The following KCTD1 variants were observed in gnomAD, a reference collection of about 807,000 sequenced individuals.
The protein encoded by KCTD1 is BTB/POZ domain-containing protein KCTD1.
KCTD1 carries 24 observed loss-of-function variants against 66.0 expected under a neutral mutation model. The ratio of observed to expected loss-of-function variants is 0.36; its 90% confidence interval spans 0.26 to 0.51. The LOEUF (loss-of-function observed/expected upper bound fraction) is 0.51. Among genes scored for constraint, KCTD1 ranks in the 20% least tolerant of loss-of-function variants. The pLI is 0.95. For missense variants in KCTD1, 943 were observed against 1,205.2 expected, an observed-to-expected ratio of 0.78 and a Z score of 3.22; for synonymous variants, 511 against 517.2, an observed-to-expected ratio of 0.99 and a Z score of 0.16.
intron 1 of KCTD1, among the ~76,000 whole-genome samples, chr18:26,615,586 A>C (rs539294367): frequency 7.9e-5 from 12 of 152,320 alleles, no homozygotes; most frequent in African/African-American, 2.6e-4. Context: ...GGTCTCCTCC[A>C]GCCTCAGTAT....
At chr18:26,597,776 C>T (rs1986802190) in intron 1 of KCTD1, among the ~76,000 whole-genome samples, 1 of 151,944 alleles carries the variant, frequency 6.6e-6, no homozygotes, top group Non-Finnish European at 1.5e-5. Context: ...GCCTCAGCCT[C>T]CCAAGTAGCT....
At chr18:26,534,781 G>T (rs1384058499) in intron 1 of KCTD1, among the ~76,000 whole-genome samples, 1 of 152,104 alleles carries the variant, frequency 6.6e-6, no homozygotes, top group African/African-American at 2.4e-5. Context: ...AATTCTACCA[G>T]AACCCATAGA....
intron 1 of KCTD1, among the ~76,000 whole-genome samples, chr18:26,582,457 TAGC>T (rs1986377141): frequency 6.6e-6 from 1 of 152,200 alleles, no homozygotes; most frequent in Non-Finnish European, 1.5e-5. Flanking sequence ...AATTGTAAAT[TAGC>T]AGAACTTTGT....
chr18:26,459,922 A>G lies in KCTD1; in HGVS notation c.2137T>C (p.Tyr713His). Reference sequence around the variant, plus strand: ...TTTGCCTCTTCATATAACAAAGTGTAGTCCTGGAAAAAAAAAAGGTATTTC... The same window carrying G: ...TTTGCCTCTTCATATAACAAAGTGTGGTCCTGGAAAAAAAAAAGGTATTTC... Reference protein sequence around the residue: ...KLLIPDDFKDYTLLYEEAKYF... With the variant: ...KLLIPDDFKDHTLLYEEAKYF... Residue 713 changes from tyrosine (Y) to histidine (H), a missense_variant, in exon 4 of 5, where the codon TAC (tyrosine) becomes CAC (histidine). Tyr to His is a moderately conservative substitution (Grantham distance 83). Transcript: ENST00000580059. 6.4e-7 allele frequency: 1 copy of G among 1,568,840 alleles called. No individual in the cohort carries two copies. Among genetic ancestry groups the G allele is most frequent in the Non-Finnish European group, 8.6e-7 (1 of 1,157,748 alleles).
rs1188232215 is a variant in KCTD1, at chr18:26,513,727, A to AT, written c.1810-12478dup. 9.2e-5 allele frequency among the ~76,000 whole-genome samples: 14 copies of AT among 152,306 alleles called. No individual in the cohort carries two copies. The South Asian group carries it at 1.4e-3, about 16-fold the overall frequency. ...AGTTCTGAATTTTTACTAGTCTATG[A>AT]TTTTTAAAAAATATAAGCCATAGAG... On this transcript the variant is annotated intron_variant, in intron 1 of 4. Transcript: ENST00000580059.
At chr18:26,597,183 A>C (rs1344621108) in intron 1 of KCTD1, among the ~76,000 whole-genome samples, 2 of 152,032 alleles carry the variant, frequency 1.3e-5, no homozygotes, top group African/African-American at 2.4e-5. Flanking sequence ...CAAGTTGAGG[A>C]GGGTACCCCC....
chr18:26,595,252 C>A (rs1414886119), intron 1 of KCTD1, among the ~76,000 whole-genome samples: 1 of 152,210 alleles, frequency 6.6e-6, no homozygotes, highest in African/African-American at 2.4e-5. Context: ...CCATACATTT[C>A]TTATTTCCAA....
chr18:26,549,526 C>A (rs1985458571), upstream of KCTD1: 1 of 909,486 alleles, frequency 1.1e-6, no homozygotes, highest in Admixed American at 6.2e-5. Flanking sequence ...CCAGGGGCCA[C>A]AGGGACCCTT....
chr18:26,495,404 T>C (rs945302985), intron 2 of KCTD1, among the ~76,000 whole-genome samples: 1 of 152,178 alleles, frequency 6.6e-6, no homozygotes, highest in Non-Finnish European at 1.5e-5. Flanking sequence ...AATCCGGTAA[T>C]GGCTAACCCA....
chr18:26,635,799 C>T (rs535087636), intron 1 of KCTD1, among the ~76,000 whole-genome samples: 1 of 152,240 alleles, frequency 6.6e-6, no homozygotes, highest in East Asian at 1.9e-4. Flanking sequence ...CTGTGAAATG[C>T]CCCCAAATAG....
At chr18:26,589,796 G>T (rs1380872809) in intron 1 of KCTD1, among the ~76,000 whole-genome samples, 1 of 152,156 alleles carries the variant, frequency 6.6e-6, no homozygotes, top group East Asian at 1.9e-4. Context: ...AGCACACAAG[G>T]CAATTCTGGC....
At chr18:26,460,155 T>C (rs542165074) in intron 3 of KCTD1, among the ~76,000 whole-genome samples, 252 of 152,332 alleles carry the variant, frequency 1.7e-3, no homozygotes, top group African/African-American at 5.9e-3. Context: ...TCAGGCCTCT[T>C]CTAAGTGCTT....
At chr18:26,460,792 A>T (rs1326933098) in intron 3 of KCTD1, 1 of 152,232 alleles carries the variant, frequency 6.6e-6, no homozygotes, top group Non-Finnish European at 1.5e-5. Flanking sequence ...CAAAACAGGT[A>T]TTAAAACACA....
chr18:26,544,181 A>G (rs1466181560), intron 1 of KCTD1: 2 of 152,228 alleles, frequency 1.3e-5, no homozygotes, highest in African/African-American at 2.4e-5. Flanking sequence ...AGAGAATTAA[A>G]GAGTGGACCA....
intron 1 of KCTD1, among the ~76,000 whole-genome samples, chr18:26,518,303 A>G (rs570080519): frequency 1.7e-4 from 25 of 147,454 alleles, no homozygotes; most frequent in African/African-American, 6.2e-4. Context: ...CAAAGCTATA[A>G]TTTTTTTTTT....
At chr18:26,466,434 T>C (rs1232928549) in intron 3 of KCTD1, among the ~76,000 whole-genome samples, 1 of 152,226 alleles carries the variant, frequency 6.6e-6, no homozygotes, top group Non-Finnish European at 1.5e-5. Context: ...TTCCTTAAGC[T>C]GGACAACTGG....
intron 1 of KCTD1, among the ~76,000 whole-genome samples, chr18:26,617,112 G>C (rs990519997): frequency 9.2e-5 from 14 of 152,200 alleles, no homozygotes; most frequent in African/African-American, 3.4e-4. Context: ...GAATTGCTGG[G>C]TATGTCTTGC....
At chr18:26,533,146 G>C (rs1984529970) in intron 1 of KCTD1, among the ~76,000 whole-genome samples, 1 of 152,194 alleles carries the variant, frequency 6.6e-6, no homozygotes. Flanking sequence ...TAGTTATTGG[G>C]TTGATTGTGG....
chr18:26,613,451 C>G (rs1192878623), intron 1 of KCTD1, among the ~76,000 whole-genome samples: 1 of 152,172 alleles, frequency 6.6e-6, no homozygotes, highest in Non-Finnish European at 1.5e-5. Context: ...TTGTCTGTCT[C>G]TCAGTTCTTT....
Sources: gnomAD v4.1 joint callset for allele counts (sites outside exome capture counted in the v4.1 genomes callset) on GRCh38, gnomAD v4.1.1 for gene constraint, MANE v1.5 for transcripts, NCBI Gene and HGNC (gene_info 2026-07-23, HGNC 2026-07-21) for gene names.